LRRC8C: variants seen among roughly 807,000 people sequenced by gnomAD.
The protein encoded by LRRC8C is leucine rich repeat containing 8 VRAC subunit C.
Under a neutral mutation model 55.3 loss-of-function variants are expected in LRRC8C, and 20 were observed. That is an observed-to-expected ratio of 0.36 (90% CI 0.25 to 0.53). The LOEUF is 0.53. Ranked by LOEUF, LRRC8C falls within the 20% of genes least tolerant of loss-of-function variation. The pLI, the probability that LRRC8C is intolerant of heterozygous loss-of-function variation, is 0.92. For synonymous variants in LRRC8C, 376 were observed against 360.7 expected (o/e 1.04, Z -0.48); for missense variants, 659 against 951.4 (o/e 0.69, Z 4.04).
At chr1:89,672,098 T>C (rs1422726522) in intron 1 of LRRC8C, among the ~76,000 whole-genome samples, 1 of 152,182 alleles carries the variant, frequency 6.6e-6, no homozygotes, top group East Asian at 1.9e-4. Flanking sequence ...TGAAACATTT[T>C]AAGAGGGGAA....
rs565674669 is a variant in LRRC8C at position 89,699,064 on chromosome 1, A to G, written c.138+12453A>G. On this transcript the variant is annotated intron_variant, in intron 2 of 2. Coordinates refer to ENST00000370454, the MANE Select transcript of LRRC8C (RefSeq NM_032270.5). Reference sequence around the variant, plus strand: ...GCTAAAAATAAAAAATAAAAAATAAACGGTCAAGCTATGAAAAGACATGGA... The same window carrying G: ...GCTAAAAATAAAAAATAAAAAATAAGCGGTCAAGCTATGAAAAGACATGGA... 2.6e-5 allele frequency among the ~76,000 whole-genome samples: 4 copies of G among 152,326 alleles called. No individual in the cohort carries two copies. The South Asian group carries it at 8.3e-4, about 32-fold the overall frequency.
At chr1:89,625,890 T>A in the LRRC8C span, among the ~76,000 whole-genome samples, 3 of 152,218 alleles carry the variant, frequency 2.0e-5, no homozygotes, top group Admixed American at 6.5e-5. Flanking sequence ...TATGGCATAT[T>A]GTGTATGCAT....
intron 2 of LRRC8C, among the ~76,000 whole-genome samples, chr1:89,698,222 C>T (rs1411957137): frequency 6.6e-6 from 1 of 152,168 alleles, no homozygotes; most frequent in Non-Finnish European, 1.5e-5. Context: ...TGTTTCATGT[C>T]AGAAGAAGGT....
chr1:89,692,146 G>T (rs1248827897), intron 2 of LRRC8C, among the ~76,000 whole-genome samples: 6 of 152,174 alleles, frequency 3.9e-5, no homozygotes, highest in Non-Finnish European at 7.4e-5. Context: ...AGGATTCTCT[G>T]TGAAGCTCAA....
intron 1 of LRRC8C, among the ~76,000 whole-genome samples, chr1:89,681,476 C>T (rs1386599098): frequency 6.6e-6 from 1 of 152,142 alleles, no homozygotes; most frequent in Non-Finnish European, 1.5e-5. Flanking sequence ...TTAGTCTGTC[C>T]TCACGCTGCT....
At chr1:89,661,285 G>T in intron 1 of LRRC8C, 1 of 326,630 alleles carries the variant, frequency 3.1e-6, no homozygotes, top group East Asian at 8.3e-5. Context: ...TGATCATTGG[G>T]AGCCAGTTTG....
Position 89,717,298 on chromosome 1 carries a change from CA to C in LRRC8C, c.*2320del, listed in dbSNP as rs1658855891. On this transcript the variant is annotated 3_prime_UTR_variant, in exon 3 of 3. Transcript: ENST00000370454. ...TATAGTTATTTTCTATATTACCCTTCAAAAGGGATCTCTTCAGGTTAAAAAT... is the reference window on the plus strand; with the variant it reads ...TATAGTTATTTTCTATATTACCCTTCAAAGGGATCTCTTCAGGTTAAAAAT... The C allele has an allele frequency of 1.3e-5, 2 of 152,110 alleles. No homozygotes were observed. The highest frequency in any genetic ancestry group is 4.8e-5 in the African/African-American group (2 of 41,416). The allele number at this position is 152,110 out of a possible 1,614,324, so 9.4% of individuals were successfully genotyped here. A position where few individuals can be genotyped will look rare whatever the true frequency, so the allele number is the denominator to read the frequency against.
At chr1:89,642,950 G>T (rs1313457873) in intron 1 of LRRC8C, among the ~76,000 whole-genome samples, 2 of 151,470 alleles carry the variant, frequency 1.3e-5, no homozygotes, top group Non-Finnish European at 2.9e-5. Flanking sequence ...CCTTGGAGGT[G>T]GAGGTTGCAG....
At chr1:89,681,708 C>G (rs1484657516) in intron 1 of LRRC8C, among the ~76,000 whole-genome samples, 1 of 152,098 alleles carries the variant, frequency 6.6e-6, no homozygotes, top group Non-Finnish European at 1.5e-5. Flanking sequence ...AAAACCTGCC[C>G]CCATGATTTA....
At chr1:89,689,895 C>T (rs896482717) in intron 2 of LRRC8C, among the ~76,000 whole-genome samples, 71 of 151,738 alleles carry the variant, frequency 4.7e-4, no homozygotes, top group Admixed American at 2.3e-3. Context: ...GAGCCAAGAT[C>T]GCACCATTGC....
chr1:89,678,931 G>T (rs1657626979), intron 1 of LRRC8C, among the ~76,000 whole-genome samples: 1 of 152,192 alleles, frequency 6.6e-6, no homozygotes, highest in Admixed American at 6.5e-5. Context: ...GGCCAAGTTT[G>T]ATGTGTCTAG....
intron 1 of LRRC8C, among the ~76,000 whole-genome samples, chr1:89,655,950 T>A (rs1656931725): frequency 1.3e-5 from 2 of 152,182 alleles, no homozygotes; most frequent in Admixed American, 1.3e-4. Flanking sequence ...TCCCACACCA[T>A]ACCTGCCTTC....
Position 89,719,479 on chromosome 1 carries a change from T to C in LRRC8C, c.*4497T>C, listed in dbSNP as rs1216666734. The stretch of plus-strand genomic sequence containing the variant: ...TTCATGATAAAATGTCTTAATGTTA[T>C]TTGGATATGTAGTACATAGAAACAG... On this transcript the variant is annotated 3_prime_UTR_variant, in exon 3 of 3. Transcript: ENST00000370454. 2.0e-5 allele frequency: 3 copies of C among 152,336 alleles called. No individual in the cohort carries two copies. Among genetic ancestry groups the C allele is most frequent in the Middle Eastern group, 3.4e-3 (1 of 294 alleles). 9.4% of individuals were successfully genotyped at this position (152,336 alleles called of 1,614,324 possible). A position where few individuals can be genotyped will look rare whatever the true frequency, so the allele number is the denominator to read the frequency against.
chr1:89,713,484 A>T lies in LRRC8C; in HGVS notation c.914A>T (p.Asn305Ile). The T allele has an allele frequency of 6.2e-7, 1 of 1,614,062 alleles. No homozygotes were observed. Among genetic ancestry groups the T allele is most frequent in the South Asian group, 1.1e-5 (1 of 91,082 alleles). Residue 305 changes from asparagine (N) to isoleucine (I), a missense_variant, in exon 3 of 3, where the codon AAC (asparagine) becomes ATC (isoleucine). Asn to Ile is a moderately radical substitution (Grantham distance 149). Transcript: ENST00000370454. This position sits in a 1 kb window ranked among gnomAD's most constrained non-coding sequence, Gnocchi z 5.2. ...VDIQDMTGYK[N>I]FSCNHTMAHL... is the part of the protein sequence containing the mutation. Reference sequence around the variant, plus strand: ...ATTCAGGACATGACTGGATATAAAAACTTTTCTTGCAATCATACCATGGCA... The same window carrying T: ...ATTCAGGACATGACTGGATATAAAATCTTTTCTTGCAATCATACCATGGCA...
intron 1 of LRRC8C, among the ~76,000 whole-genome samples, chr1:89,660,890 C>A (rs559444225): frequency 6.6e-6 from 1 of 152,334 alleles, no homozygotes; most frequent in East Asian, 1.9e-4. Context: ...CTAAATCTCT[C>A]ATGCAGCAGT....
intron 1 of LRRC8C, among the ~76,000 whole-genome samples, chr1:89,664,514 T>C (rs951064533): frequency 1.1e-4 from 16 of 152,328 alleles, no homozygotes; most frequent in African/African-American, 3.8e-4. Flanking sequence ...TGTGTTTTGG[T>C]ACCAGTACCA....
chr1:89,622,471 T>C, the LRRC8C span, among the ~76,000 whole-genome samples: 1 of 152,028 alleles, frequency 6.6e-6, no homozygotes, highest in African/African-American at 2.4e-5. Flanking sequence ...TAGCTGGGAC[T>C]ACAGGCGCCC....
chr1:89,665,059 A>G (rs1041685934), intron 1 of LRRC8C, among the ~76,000 whole-genome samples: 2 of 152,218 alleles, frequency 1.3e-5, no homozygotes, highest in Non-Finnish European at 2.9e-5. Flanking sequence ...TAAATATACA[A>G]TCATGTCATC....
intron 2 of LRRC8C, among the ~76,000 whole-genome samples, chr1:89,689,876 G>A (rs149780109): frequency 0.017 from 2,544 of 152,154 alleles, 72 homozygotes; most frequent in African/African-American, 0.058. Context: ...GGGAGGCAAA[G>A]GTTGCAGTGA....
Sources: gnomAD v4.1 joint callset for allele counts (sites outside exome capture counted in the v4.1 genomes callset) on GRCh38, gnomAD v4.1.1 for gene constraint, Gnocchi (gnomAD v3.1) non-coding constraint, MANE v1.5 for transcripts, NCBI Gene and HGNC (gene_info 2026-07-23, HGNC 2026-07-21) for gene names.